The following MEGF11 variants were observed in gnomAD, a reference collection of about 807,000 sequenced individuals.
MEGF11 encodes the protein multiple epidermal growth factor-like domains protein 11.
A neutral mutation model predicts 146.6 loss-of-function variants in MEGF11; 126 were observed. That is an observed-to-expected ratio of 0.86 (90% CI 0.74 to 1.00). MEGF11 has a LOEUF of 1.00. Ranked by LOEUF, MEGF11 falls within the 50% of genes least tolerant of loss-of-function variation. The pLI is 0.00. For synonymous variants in MEGF11, 532 were observed against 583.4 expected, an observed-to-expected ratio of 0.91 and a Z score of 1.27; for missense variants, 1,509 against 1,521.2, an observed-to-expected ratio of 0.99 and a Z score of 0.13.
intron 2 of MEGF11, among the ~76,000 whole-genome samples, chr15:66,127,063 C>G (rs1567254978): frequency 6.6e-6 from 1 of 152,140 alleles, no homozygotes; most frequent in Non-Finnish European, 1.5e-5. Context: ...AAACGGCTGC[C>G]CTTGATCCTC....
intron 1 of MEGF11, among the ~76,000 whole-genome samples, chr15:66,167,227 CG>C (rs2090121261): frequency 6.6e-6 from 1 of 152,186 alleles, no homozygotes; most frequent in Non-Finnish European, 1.5e-5. Context: ...CAGGGCCAGC[CG>C]GGGCAGAAGA....
chr15:65,959,162 C>T (rs1015526505), intron 9 of MEGF11, among the ~76,000 whole-genome samples: 3 of 152,186 alleles, frequency 2.0e-5, no homozygotes, highest in African/African-American at 7.2e-5. Context: ...CTGTCTTCTC[C>T]ACTAGGTTGC....
At chr15:65,964,532 A>G (rs1176301013) in intron 9 of MEGF11, among the ~76,000 whole-genome samples, 2 of 152,148 alleles carry the variant, frequency 1.3e-5, no homozygotes, top group Admixed American at 1.3e-4. Context: ...CTCCAGGACA[A>G]TGTGCTCAGA....
chr15:66,017,666 G>T (rs1237346910), intron 5 of MEGF11, among the ~76,000 whole-genome samples: 1 of 152,168 alleles, frequency 6.6e-6, no homozygotes, highest in Non-Finnish European at 1.5e-5. Context: ...CACAGGCTCG[G>T]CTCCACTTGC....
chr15:65,929,319 G>A (rs2079488133), intron 12 of MEGF11, among the ~76,000 whole-genome samples: 1 of 152,212 alleles, frequency 6.6e-6, no homozygotes, highest in Non-Finnish European at 1.5e-5. Flanking sequence ...TAAAAGTACA[G>A]ACTGTTGGAA....
In MEGF11 at chr15:65,930,803, T is replaced by C; in HGVS notation, c.1408+20A>G. On this transcript the variant is annotated intron_variant, in intron 11 of 25. Coordinates refer to ENST00000395614, the MANE Select transcript of MEGF11 (RefSeq NM_001385028.1). ...TGTGCTCATATGTCAGGGATGGGCT[T>C]GGGAGAGAGGGCACATTACCTTCCT... The C allele has an allele frequency of 6.3e-7, 1 of 1,592,766 alleles. No homozygotes were observed. Among genetic ancestry groups the C allele is most frequent in the East Asian group, 2.3e-5 (1 of 43,836 alleles).
chr15:66,060,678 G>C (rs2084866076), intron 5 of MEGF11, among the ~76,000 whole-genome samples: 1 of 152,212 alleles, frequency 6.6e-6, no homozygotes, highest in Non-Finnish European at 1.5e-5. Context: ...TGGTTAACCT[G>C]GTGTGTCTGT....
At chr15:66,183,009 G>A (rs2090594321) in intron 1 of MEGF11, among the ~76,000 whole-genome samples, 2 of 152,168 alleles carry the variant, frequency 1.3e-5, no homozygotes, top group African/African-American at 4.8e-5. Context: ...AGCAATATGG[G>A]TGGTCACAAT....
chr15:66,065,535 T>C (rs2085087081), intron 5 of MEGF11, among the ~76,000 whole-genome samples: 1 of 152,116 alleles, frequency 6.6e-6, no homozygotes. Flanking sequence ...TTGTGGAGAC[T>C]CAGACCAGCT....
At chr15:65,991,908 A>G (rs1596963419) in intron 5 of MEGF11, among the ~76,000 whole-genome samples, 1 of 152,334 alleles carries the variant, frequency 6.6e-6, no homozygotes, top group African/African-American at 2.4e-5. Flanking sequence ...TCAAGCACCT[A>G]TCATGTTAGG....
intron 1 of MEGF11, among the ~76,000 whole-genome samples, chr15:66,165,704 G>A (rs1475180954): frequency 6.6e-6 from 1 of 152,112 alleles, no homozygotes; most frequent in Non-Finnish European, 1.5e-5. Flanking sequence ...CAGGCAGGTG[G>A]GGGACTTATA....
Position 65,922,856 on chromosome 15 carries a change from C to T in MEGF11, c.1789G>A (p.Ala597Thr). The T allele has an allele frequency of 6.2e-7, 1 of 1,613,790 alleles. No homozygotes were observed. Among genetic ancestry groups the T allele is most frequent in the South Asian group, 1.1e-5 (1 of 91,062 alleles). Residue 597 changes from alanine (A) to threonine (T), a missense_variant, in exon 14 of 26, where the codon GCC becomes ACC. Transcript: ENST00000395614. ...CATAAGGGTCCTCGGAAGCCAGGGG[C>T]ACACTCGCAGCTCCCATCCTCTGGG... ...CSPEDGSCEC[A>T]PGFRGPLCQR...
In MEGF11 at chr15:65,922,813, T is replaced by A; in HGVS notation, c.1822+10A>T. On this transcript the variant is annotated intron_variant, in intron 14 of 25. Transcript: ENST00000395614. ...CTCTGAGCTCTTCGGGGTCAGGGGA[T>A]TAGCCTTACTTCTCTGGCATAAGGG... 6.2e-7 allele frequency: 1 copy of A among 1,613,586 alleles called. No individual in the cohort carries two copies.
chr15:66,031,979 T>G (rs1011472261), intron 5 of MEGF11, among the ~76,000 whole-genome samples: 1 of 152,174 alleles, frequency 6.6e-6, no homozygotes, highest in Non-Finnish European at 1.5e-5. Context: ...TCCTGTCAGA[T>G]CAGTGGTGGC....
At chr15:66,100,880 G>A (rs2086768741) in intron 4 of MEGF11, among the ~76,000 whole-genome samples, 1 of 150,528 alleles carries the variant, frequency 6.6e-6, no homozygotes, top group African/African-American at 2.4e-5. Context: ...GGGTGAGTGG[G>A]TGAGTGAGCG....
In MEGF11 at chr15:66,198,524, C is replaced by T. The variant is rs959941035; in HGVS notation, c.-9+55081G>A. Among the ~76,000 whole-genome samples, 11 of 152,174 alleles carry T rather than the reference C, an allele frequency of 7.2e-5. No individual in the cohort carries two copies. The East Asian group carries it at 7.7e-4, about 11-fold the overall frequency. On this transcript the variant is annotated intron_variant, in intron 1 of 25. Transcript: ENST00000395614. ...TTTTTGAGACGGAGTCTCACTCTGT[C>T]GCCCAGGCTGGAGTGCAGTGGCGCA...
intron 1 of MEGF11, among the ~76,000 whole-genome samples, chr15:66,218,518 A>T (rs192805453): frequency 6.6e-6 from 1 of 152,152 alleles, no homozygotes; most frequent in African/African-American, 2.4e-5. Context: ...AGCCAATCAA[A>T]CCCTCCCTGC....
At chr15:66,155,545 G>C (rs1441179548) in intron 1 of MEGF11, among the ~76,000 whole-genome samples, 1 of 152,128 alleles carries the variant, frequency 6.6e-6, no homozygotes, top group Non-Finnish European at 1.5e-5. Context: ...TTATCATTCA[G>C]GTTGGGCTTT....
chr15:65,975,719 C>T (rs1260357300), intron 7 of MEGF11, among the ~76,000 whole-genome samples: 4 of 152,298 alleles, frequency 2.6e-5, no homozygotes, highest in Non-Finnish European at 5.9e-5. Context: ...AACTCCTAGT[C>T]TTCCAGGTGG....
Sources: gnomAD v4.1 joint callset for allele counts (sites outside exome capture counted in the v4.1 genomes callset) on GRCh38, gnomAD v4.1.1 for gene constraint, MANE v1.5 for transcripts, NCBI Gene and HGNC (gene_info 2026-07-23, HGNC 2026-07-21) for gene names.